Variants in NDUFAF5 observed in about 807,000 individuals in gnomAD.
NDUFAF5 encodes arginine-hydroxylase NDUFAF5, mitochondrial.
Under a neutral mutation model 48.9 loss-of-function variants are expected in NDUFAF5, and 34 were observed. That is an observed-to-expected ratio of 0.70 (90% CI 0.53 to 0.93). The LOEUF (loss-of-function observed/expected upper bound fraction) is 0.93, where lower values mean the gene tolerates loss of function less well. Among genes scored for constraint, NDUFAF5 ranks in the 40% least tolerant of loss-of-function variants. NDUFAF5 has a pLI of 0.00. For synonymous variants in NDUFAF5, 153 were observed against 150.6 expected (o/e 1.02, Z -0.12); for missense variants, 428 against 427.5 (o/e 1.00, Z -0.01).
chr20:13,792,754 G>A (rs1982497373), intron 3 of NDUFAF5, among the ~76,000 whole-genome samples: 2 of 152,208 alleles, frequency 1.3e-5, no homozygotes, highest in East Asian at 1.9e-4. Context: ...GGAAGGGAGA[G>A]AGGGTAGGCG....
Position 13,816,518 on chromosome 20 carries a change from A to G in NDUFAF5, c.834A>G (p.Thr278=), listed in dbSNP as rs768138840. ...GAAAAGCCCTGCTGCATCGAGACAC[A>G]ATGCTGGCAGCTGCGGCAGTGTACA... ...WNRKALLHRD[T]MLAAAAVYRE... is the part of the protein sequence containing the mutation. Residue 278 remains threonine, a synonymous_variant, in exon 9 of 11, where the codon ACA becomes ACG. Transcript: ENST00000378106. The G allele has an allele frequency of 2.8e-4, 448 of 1,613,950 alleles. 1 individual carries two copies. Among genetic ancestry groups the G allele is most frequent in the Non-Finnish European group, 3.5e-4 (411 of 1,179,976 alleles).
At position 13,817,578 on chromosome 20, in the gene NDUFAF5, T is replaced by C. The variant is rs751248162; in HGVS notation, c.*368T>C. The C allele has an allele frequency of 2.2e-6, 1 of 460,258 alleles. No homozygotes were observed. Among genetic ancestry groups the C allele is most frequent in the Non-Finnish European group, 4.3e-6 (1 of 231,258 alleles). The allele number at this position is 460,258 out of a possible 1,614,324, so 28.5% of individuals were successfully genotyped here. On this transcript the variant is annotated 3_prime_UTR_variant, in exon 11 of 11. Coordinates refer to ENST00000378106, the MANE Select transcript of NDUFAF5 (RefSeq NM_024120.5). ...TGCCTTGAAGAGGAACAGATGAATA[T>C]GCACCTTCTCCAGAGTTATGTGGTT...
At chr20:13,806,221 T>C (rs1006972288) in intron 7 of NDUFAF5, among the ~76,000 whole-genome samples, 1 of 152,084 alleles carries the variant, frequency 6.6e-6, no homozygotes, top group Non-Finnish European at 1.5e-5. Flanking sequence ...AAGAGAATGG[T>C]GCAAGGCCTG....
chr20:13,797,125 TG>T (rs1385509084), intron 5 of NDUFAF5, among the ~76,000 whole-genome samples: 2 of 152,204 alleles, frequency 1.3e-5, no homozygotes, highest in Admixed American at 1.3e-4. Context: ...GACAAGGATG[TG>T]GAGTTCATTA....
intron 8 of NDUFAF5, among the ~76,000 whole-genome samples, chr20:13,814,713 C>T (rs1238922618): frequency 6.6e-6 from 1 of 152,126 alleles, no homozygotes; most frequent in Non-Finnish European, 1.5e-5. Flanking sequence ...CAGTTTTTCC[C>T]AGGTGGTCTT....
intron 8 of NDUFAF5, among the ~76,000 whole-genome samples, chr20:13,810,307 CAAAGG>C (rs980972764): frequency 3.3e-5 from 5 of 152,092 alleles, no homozygotes; most frequent in Non-Finnish European, 1.5e-5. Flanking sequence ...TTGCCTGAAC[CAAAGG>C]AAAGAAAGAA....
In NDUFAF5 at chr20:13,789,505, T is replaced by C. The variant is rs574885544; in HGVS notation, c.327+853T>C. On this transcript the variant is annotated intron_variant, in intron 3 of 10. Transcript: ENST00000378106. ...TTTTTTTTTTTTTTGAGACAGAGTC[T>C]CGCTCTGTTGCCCAGGCTGGAGTGC... Among the ~76,000 whole-genome samples, 896 of 147,778 alleles carry C rather than the reference T, an allele frequency of 6.1e-3. 7 individuals are homozygous for C. The highest frequency in any genetic ancestry group is 0.01 in the Non-Finnish European group (674 of 67,286).
intron 5 of NDUFAF5, 51 bp downstream of exon 5, chr20:13,794,992 C>A: frequency 1.5e-6 from 2 of 1,341,992 alleles, no homozygotes; most frequent in Non-Finnish European, 1.1e-6. Flanking sequence ...ATCATTCTTG[C>A]CATAAAGTTT....
chr20:13,790,058 A>G (rs1022183436), intron 3 of NDUFAF5, among the ~76,000 whole-genome samples: 6 of 152,160 alleles, frequency 3.9e-5, no homozygotes, highest in African/African-American at 1.4e-4. Flanking sequence ...GGCAGGAGGA[A>G]AGGCACAGAG....
chr20:13,805,933 AAAT>A (rs1201158523), intron 7 of NDUFAF5, among the ~76,000 whole-genome samples: 3 of 152,242 alleles, frequency 2.0e-5, no homozygotes, highest in South Asian at 2.1e-4. Flanking sequence ...TCTCCAAAAA[AAAT>A]AATAATAATA....
intron 3 of NDUFAF5, 124 bp downstream of exon 3, chr20:13,788,776 TG>T (rs749680327): frequency 3.0e-5 from 20 of 676,402 alleles, no homozygotes; most frequent in East Asian, 5.8e-5. Context: ...ATTGTTAATT[TG>T]TTTTTTTTTT....
chr20:13,785,427 C>T, intron 1 of NDUFAF5, 137 bp downstream of exon 1: 1 of 694,666 alleles, frequency 1.4e-6, no homozygotes, highest in South Asian at 1.9e-5. Context: ...CTTTCGGCCT[C>T]TACTGTAATC....
intron 3 of NDUFAF5, among the ~76,000 whole-genome samples, chr20:13,788,996 A>AT: frequency 6.6e-6 from 1 of 152,336 alleles, no homozygotes; most frequent in East Asian, 1.9e-4. Context: ...CTAGAAAAAT[A>AT]TTAATTTTAT....
chr20:13,805,019 T>C (rs1685591961), intron 7 of NDUFAF5, among the ~76,000 whole-genome samples: 1 of 152,194 alleles, frequency 6.6e-6, no homozygotes, highest in African/African-American at 2.4e-5. Flanking sequence ...ATTTTACTTA[T>C]AATATGGAAA....
intron 5 of NDUFAF5, among the ~76,000 whole-genome samples, chr20:13,795,734 A>G (rs756617392): frequency 6.6e-6 from 1 of 152,140 alleles, no homozygotes; most frequent in Non-Finnish European, 1.5e-5. Flanking sequence ...CAGGAGGATC[A>G]CTTGAGCCTG....
chr20:13,818,159 C>T lies in NDUFAF5; in HGVS notation c.*949C>T. On this transcript the variant is annotated 3_prime_UTR_variant, in exon 11 of 11. Transcript: ENST00000378106. ...TTCCTTCCCTCCTTTACTGTATTAG[C>T]AACAAGCTGTCCATGGGTGGGGGCT... 2.2e-6 allele frequency: 1 copy of T among 454,096 alleles called. No individual in the cohort carries two copies. Among genetic ancestry groups the T allele is most frequent in the Non-Finnish European group, 4.4e-6 (1 of 226,792 alleles). 28.1% of individuals were successfully genotyped at this position (454,096 alleles called of 1,614,324 possible).
At chr20:13,804,415 C>A (rs1984689624) in intron 7 of NDUFAF5, among the ~76,000 whole-genome samples, 4 of 148,868 alleles carry the variant, frequency 2.7e-5, no homozygotes. Context: ...TAGTGTGTAA[C>A]CTTCCAGACT....
chr20:13,816,429 G>A, intron 8 of NDUFAF5, 34 bp from the exon 9 acceptor site: 2 of 1,478,316 alleles, frequency 1.4e-6, no homozygotes, highest in Non-Finnish European at 1.9e-6. Context: ...GGTGTTTGCT[G>A]TATTATCTCA....
Position 13,801,470 on chromosome 20 carries a change from C to T in NDUFAF5, c.520-16C>T. 1 of 1,533,574 alleles carries T rather than the reference C, an allele frequency of 6.5e-7. No homozygotes were observed. Among genetic ancestry groups the T allele is most frequent in the Non-Finnish European group, 8.9e-7 (1 of 1,121,132 alleles). 95.0% of individuals were successfully genotyped at this position (1,533,574 alleles called of 1,614,324 possible). A position where few individuals can be genotyped will look rare whatever the true frequency, so the allele number is the denominator to read the frequency against. On this transcript the variant is annotated splice_polypyrimidine_tract_variant and intron_variant, in intron 6 of 10. Coordinates refer to ENST00000378106, the MANE Select transcript of NDUFAF5 (RefSeq NM_024120.5). ...ATAAAAATTTGAATCATTTTGTTTT[C>T]TTGTATTTATTACAGATTCATTATA... is the stretch of plus-strand genomic sequence containing the variant.
Sources: gnomAD v4.1 joint callset for allele counts (sites outside exome capture counted in the v4.1 genomes callset) on GRCh38, gnomAD v4.1.1 for gene constraint, MANE v1.5 for transcripts, NCBI Gene and HGNC (gene_info 2026-07-23, HGNC 2026-07-21) for gene names.